The following EFNB2 variants were observed in gnomAD, a reference collection of about 807,000 sequenced individuals.
EFNB2 encodes the protein ephrin-B2.
Under a neutral mutation model 32.1 loss-of-function variants are expected in EFNB2, and 5 were observed. The ratio of observed to expected loss-of-function variants is 0.16; its 90% CI spans 0.08 to 0.33. EFNB2 has a LOEUF of 0.33. EFNB2 is among the 10% of genes least tolerant of loss of function. The pLI, the probability that EFNB2 is intolerant of heterozygous loss-of-function variation, is 1.00. For missense variants in EFNB2, 263 were observed against 422.6 expected (o/e 0.62, Z 3.31); for synonymous variants, 168 against 166.5 (o/e 1.01, Z -0.07).
chr13:106,492,744 C>G lies in EFNB2; in HGVS notation c.*296G>C, dbSNP rs1009649689. ...GTCTTCCCTTGGCTTCTGCAGAGGC[C>G]TGAGTGACCGCAGCACATGGCTTCG... is the stretch of plus-strand genomic sequence containing the variant. On this transcript the variant is annotated 3_prime_UTR_variant, in exon 5 of 5. Coordinates refer to ENST00000646441, the MANE Select transcript of EFNB2 (RefSeq NM_004093.4). The surrounding 1 kb of genome is among the most constrained non-coding windows in gnomAD (Gnocchi z 5.1). The G allele has an allele frequency of 1.2e-4, 36 of 311,090 alleles. No individual in the cohort carries two copies. The highest frequency in any genetic ancestry group is 2.1e-4 in the Non-Finnish European group (34 of 164,266). The allele number at this position is 311,090 out of a possible 1,614,324, so 19.3% of individuals were successfully genotyped here. A position where few individuals can be genotyped will look rare whatever the true frequency, so the allele number is the denominator to read the frequency against.
chr13:106,531,495 G>A (rs1879871146), intron 1 of EFNB2, among the ~76,000 whole-genome samples: 1 of 152,200 alleles, frequency 6.6e-6, no homozygotes, highest in Non-Finnish European at 1.5e-5. Flanking sequence ...CATAGTTCAA[G>A]GGGCTATTCA....
At chr13:106,524,614 T>A (rs896382746) in intron 1 of EFNB2, among the ~76,000 whole-genome samples, 6 of 152,218 alleles carry the variant, frequency 3.9e-5, no homozygotes, top group African/African-American at 1.4e-4. Context: ...AGCAGTTTTC[T>A]AAATATCATG....
At chr13:106,534,325 G>C (rs1439302053) in intron 1 of EFNB2, among the ~76,000 whole-genome samples, 2 of 152,150 alleles carry the variant, frequency 1.3e-5, no homozygotes, top group African/African-American at 4.8e-5. Context: ...CCGGCTCCAG[G>C]GCTCTGCGGG....
rs1295888661 is a variant in EFNB2, at chr13:106,534,868, T to C, written c.97A>G (p.Ile33Val). 4.3e-6 allele frequency: 7 copies of C among 1,612,958 alleles called. No homozygotes were observed. The South Asian group carries it at 4.4e-5, about 10-fold the overall frequency. The change falls in exon 1 of 5, where the codon ATC (isoleucine) becomes GTC (valine). Residue 33 changes from isoleucine to valine, a missense_variant. By Grantham distance (29) the Ile-to-Val change is conservative (BLOSUM62 3). Transcript: ENST00000646441. ...TTGGAGTTCGAGGAATTCCAATAGA[T>C]AGGCTCTAAAACTATCGATTTGGAA... ...AISKSIVLEP[I>V]YWNSSNSKFL... is the part of the protein sequence containing the mutation.
chr13:106,493,081 T>A lies in EFNB2; in HGVS notation c.961A>T (p.Met321Leu). The A allele has an allele frequency of 6.2e-7, 1 of 1,613,540 alleles. No individual in the cohort carries two copies. Among genetic ancestry groups the A allele is most frequent in the South Asian group, 1.1e-5 (1 of 91,080 alleles). Residue 321 changes from methionine to leucine, a missense_variant, in exon 5 of 5, where the codon ATG becomes TTG. Coordinates refer to ENST00000646441, the MANE Select transcript of EFNB2 (RefSeq NM_004093.4). The surrounding 1 kb of genome is among the most constrained non-coding windows in gnomAD (Gnocchi z 6.1). ...YGHPVYIVQE[M>L]PPQSPANIYY... ...ATGTTCGCCGGGCTCTGCGGGGGCATCTCCTGGACGATGTACACCGGGTGC... is the reference window on the plus strand; with the variant it reads ...ATGTTCGCCGGGCTCTGCGGGGGCAACTCCTGGACGATGTACACCGGGTGC...
chr13:106,505,330 A>G (rs1257236811), intron 2 of EFNB2, among the ~76,000 whole-genome samples: 1 of 152,212 alleles, frequency 6.6e-6, no homozygotes, highest in East Asian at 1.9e-4. Context: ...GTAAACTAAC[A>G]ACGCCGGCCT....
intron 1 of EFNB2, among the ~76,000 whole-genome samples, chr13:106,532,931 T>C (rs1007680819): frequency 6.6e-6 from 1 of 152,044 alleles, no homozygotes; most frequent in Non-Finnish European, 1.5e-5. Flanking sequence ...ATAACTATTG[T>C]TCTACTTTTC....
At chr13:106,530,653 CT>C (rs1879840044) in intron 1 of EFNB2, among the ~76,000 whole-genome samples, 1 of 152,150 alleles carries the variant, frequency 6.6e-6, no homozygotes, top group Non-Finnish European at 1.5e-5. Context: ...TCTGTATTTC[CT>C]TTTCCCCTGC....
rs1404488142 is a variant in EFNB2, at chr13:106,532,079, C to CAAAA, written c.122+2760_122+2763dup. Among the ~76,000 whole-genome samples the CAAAA allele has an allele frequency of 1.7e-3, 73 of 41,840 alleles. No individual in the cohort carries two copies. The East Asian group carries it at 0.025, about 14-fold the overall frequency. The allele number at this position is 41,840 out of a possible 152,430, so 27.4% of individuals were successfully genotyped here. A position where few individuals can be genotyped will look rare whatever the true frequency, so the allele number is the denominator to read the frequency against. On this transcript the variant is annotated intron_variant, in intron 1 of 4. Coordinates refer to ENST00000646441, the MANE Select transcript of EFNB2 (RefSeq NM_004093.4). ...ATTAAAAAAAAAACAAAAAAAAAAC[C>CAAAA]AAAACTTTAAACAACCAAAATGGCT...
intron 1 of EFNB2, chr13:106,519,324 T>C (rs1879420146): frequency 6.6e-6 from 1 of 152,210 alleles, no homozygotes; most frequent in South Asian, 2.1e-4. Context: ...TGTGTAATTA[T>C]GGCAGTTATC....
Position 106,494,874 on chromosome 13 carries a change from G to C in EFNB2, c.613+7C>G, listed in dbSNP as rs776037405. 1.0e-5 allele frequency: 16 copies of C among 1,607,810 alleles called. No homozygotes were observed. The East Asian group carries it at 3.1e-4, about 31-fold the overall frequency. On this transcript the variant is annotated splice_region_variant and intron_variant, in intron 4 of 4. Transcript: ENST00000646441. ...GACCTCCATACACACAGATCATGCT[G>C]TTATACCTGGATTTGGTTTTACAAA...
At chr13:106,519,074 C>A (rs1337757277) in intron 1 of EFNB2, 2 of 152,018 alleles carry the variant, frequency 1.3e-5, no homozygotes, top group Admixed American at 1.3e-4. Context: ...TAACTGACTG[C>A]AAGAATATTT....
intron 2 of EFNB2, chr13:106,510,078 ATTCAT>A (rs1879090039): frequency 6.6e-6 from 1 of 152,182 alleles, no homozygotes; most frequent in South Asian, 2.1e-4. Context: ...ATTAAGAAAG[ATTCAT>A]TTATCCCAGG....
chr13:106,511,237 T>C (rs111324511), intron 2 of EFNB2, among the ~76,000 whole-genome samples: 2 of 152,228 alleles, frequency 1.3e-5, no homozygotes, highest in Non-Finnish European at 2.9e-5. Context: ...CTCTTTTTTT[T>C]CTTGTTGTTG....
intron 1 of EFNB2, among the ~76,000 whole-genome samples, 161 bp from the exon 2 acceptor site, chr13:106,512,973 A>G (rs1183430949): frequency 1.3e-5 from 2 of 152,208 alleles, no homozygotes; most frequent in African/African-American, 4.8e-5. Flanking sequence ...TATGGGATGA[A>G]TGTATTTTGG....
chr13:106,507,348 T>C (rs1878989131), intron 2 of EFNB2, among the ~76,000 whole-genome samples: 1 of 152,228 alleles, frequency 6.6e-6, no homozygotes. Flanking sequence ...CCTGTAACTA[T>C]CTTGCTAAAG....
chr13:106,506,944 G>A (rs1349980890), intron 2 of EFNB2, among the ~76,000 whole-genome samples: 1 of 152,154 alleles, frequency 6.6e-6, no homozygotes, highest in Non-Finnish European at 1.5e-5. Flanking sequence ...AACCTAAGAT[G>A]TTGATCTGTT....
chr13:106,496,804 CTG>C (rs1446292924), intron 2 of EFNB2, among the ~76,000 whole-genome samples: 1 of 152,184 alleles, frequency 6.6e-6, no homozygotes, highest in Non-Finnish European at 1.5e-5. Context: ...AAGAGATAGG[CTG>C]CCAGGTACTT....
intron 1 of EFNB2, among the ~76,000 whole-genome samples, 161 bp downstream of exon 1, chr13:106,534,682 A>T (rs1199792725): frequency 1.6e-5 from 2 of 127,020 alleles, no homozygotes; most frequent in African/African-American, 5.9e-5. Context: ...CCGAGCGAGG[A>T]GTCTCCACCT....
Sources: gnomAD v4.1 joint callset for allele counts (sites outside exome capture counted in the v4.1 genomes callset) on GRCh38, gnomAD v4.1.1 for gene constraint, Gnocchi (gnomAD v3.1) non-coding constraint, MANE v1.5 for transcripts, NCBI Gene and HGNC (gene_info 2026-07-23, HGNC 2026-07-21) for gene names.